The following INPP5D variants were observed in gnomAD, a reference collection of about 807,000 sequenced individuals.
INPP5D encodes the protein phosphatidylinositol 3,4,5-trisphosphate 5-phosphatase 1.
INPP5D carries 33 observed loss-of-function variants against 122.9 expected under a neutral mutation model. The ratio of observed to expected loss-of-function variants is 0.27; its 90% confidence interval spans 0.20 to 0.36. The LOEUF (loss-of-function observed/expected upper bound fraction) is 0.36. Among genes scored for constraint, INPP5D ranks in the 10% least tolerant of loss-of-function variants. The pLI is 1.00. For synonymous variants in INPP5D, 584 were observed against 576.2 expected (o/e 1.01, Z -0.19); for missense variants, 1,053 against 1,412.7 (o/e 0.75, Z 4.08).
At chr2:233,097,430 T>A (rs1692176338) in intron 2 of INPP5D, among the ~76,000 whole-genome samples, 1 of 152,246 alleles carries the variant, frequency 6.6e-6, no homozygotes, top group Non-Finnish European at 1.5e-5. Flanking sequence ...AAATAACTTA[T>A]GTTCTTATAA....
rs943164382 is a variant in INPP5D at position 233,100,036 on chromosome 2, T to C, written c.198+20638T>C. 2.0e-5 allele frequency among the ~76,000 whole-genome samples: 3 copies of C among 152,214 alleles called. No homozygotes were observed. The highest frequency in any genetic ancestry group is 7.2e-5 in the African/African-American group (3 of 41,456). On this transcript the variant is annotated intron_variant, in intron 2 of 26. Transcript: ENST00000445964. This position sits in a 1 kb window ranked among gnomAD's most constrained non-coding sequence, Gnocchi z 5.3. ...CACTATCACGAGAACAGAGCCGCCA[T>C]AATTCAATCACCTCCCACCGGGTTC...
intron 25 of INPP5D, 136 bp from the exon 26 acceptor site, chr2:233,203,990 T>C: frequency 7.4e-7 from 1 of 1,345,168 alleles, no homozygotes; most frequent in Non-Finnish European, 9.6e-7. Context: ...TTCAGTAAAT[T>C]TGCAATGTTA....
chr2:233,204,808 G>GT (rs1695450962), intron 26 of INPP5D, 91 bp downstream of exon 26: 4 of 1,416,476 alleles, frequency 2.8e-6, no homozygotes, highest in Non-Finnish European at 3.7e-6. Context: ...GTGTGTGCAT[G>GT]TGTGTGTGCA....
intron 13 of INPP5D, among the ~76,000 whole-genome samples, chr2:233,167,788 A>G (rs12052961): frequency 0.59 from 89,200 of 151,904 alleles, 27,600 homozygotes; most frequent in Non-Finnish European, 0.7. Flanking sequence ...GCAGATTGCC[A>G]GAGCTCAGTA....
intron 13 of INPP5D, among the ~76,000 whole-genome samples, chr2:233,167,397 C>T (rs1367756816): frequency 1.3e-5 from 2 of 150,342 alleles, no homozygotes; most frequent in Non-Finnish European, 2.9e-5. Flanking sequence ...AACACTCGGG[C>T]AGGGACTCTT....
intron 4 of INPP5D, among the ~76,000 whole-genome samples, chr2:233,127,918 A>G (rs1288856573): frequency 6.6e-6 from 1 of 152,210 alleles, no homozygotes; most frequent in Non-Finnish European, 1.5e-5. Flanking sequence ...TACCACAAAC[A>G]TTTTAACAAA....
chr2:233,179,420 G>A (rs1336333088), intron 18 of INPP5D, among the ~76,000 whole-genome samples: 1 of 152,234 alleles, frequency 6.6e-6, no homozygotes, highest in Non-Finnish European at 1.5e-5. Flanking sequence ...GGAGATAGTG[G>A]AGGCTTGTAG....
chr2:233,181,722 A>C (rs1421660949), intron 18 of INPP5D, among the ~76,000 whole-genome samples: 1 of 152,090 alleles, frequency 6.6e-6, no homozygotes, highest in African/African-American at 2.4e-5. Context: ...CGTGGGATGG[A>C]AAAGGTGTCC....
intron 2 of INPP5D, among the ~76,000 whole-genome samples, chr2:233,091,375 G>A (rs1374849312): frequency 6.6e-6 from 1 of 152,218 alleles, no homozygotes; most frequent in Non-Finnish European, 1.5e-5. Flanking sequence ...TTATCTTGCA[G>A]TTGTGCAGGC....
At chr2:233,186,297 C>A (rs1574795831) in intron 21 of INPP5D, among the ~76,000 whole-genome samples, 1 of 152,282 alleles carries the variant, frequency 6.6e-6, no homozygotes, top group African/African-American at 2.4e-5. Flanking sequence ...CCCCAAGACC[C>A]CGATCCCCTC....
chr2:233,073,640 CAAAAAAA>C (rs752382722), intron 1 of INPP5D, among the ~76,000 whole-genome samples: 1 of 44,202 alleles, frequency 2.3e-5, no homozygotes, highest in African/African-American at 7.4e-5. Flanking sequence ...AACTCAATCT[CAAAAAAA>C]AAAAAAAAAA....
chr2:233,164,173 G>A lies in INPP5D; in HGVS notation c.1438-134G>A, dbSNP rs1559328314. The stretch of plus-strand genomic sequence containing the variant: ...TCTCGCCTATCAAGCATCGCTGGGA[G>A]TCCCCCGAAGGGTTGGGATTACAGA... On this transcript the variant is annotated intron_variant, in intron 12 of 26. Transcript: ENST00000445964. This position sits in a 1 kb window ranked among gnomAD's most constrained non-coding sequence, Gnocchi z 4.3. 1.3e-5 allele frequency: 18 copies of A among 1,427,780 alleles called. No homozygotes were observed. Among genetic ancestry groups the A allele is most frequent in the Non-Finnish European group, 1.6e-5 (17 of 1,089,704 alleles). The allele number at this position is 1,427,780 out of a possible 1,614,324, so 88.4% of individuals were successfully genotyped here. A position where few individuals can be genotyped will look rare whatever the true frequency, so the allele number is the denominator to read the frequency against.
intron 18 of INPP5D, among the ~76,000 whole-genome samples, chr2:233,181,292 T>C (rs1006097657): frequency 1.3e-5 from 2 of 152,246 alleles, no homozygotes; most frequent in Admixed American, 6.5e-5. Flanking sequence ...GGAGTGTTTA[T>C]CTTTTTCTTG....
At chr2:233,195,120 T>C (rs1482626084) in intron 23 of INPP5D, among the ~76,000 whole-genome samples, 1 of 152,174 alleles carries the variant, frequency 6.6e-6, no homozygotes, top group Non-Finnish European at 1.5e-5. Context: ...TGACAAAACA[T>C]ACTTGCCTGT....
At chr2:233,062,393 G>A (rs1352166880) in intron 1 of INPP5D, among the ~76,000 whole-genome samples, 4 of 152,228 alleles carry the variant, frequency 2.6e-5, no homozygotes. Flanking sequence ...CCTTGGAGAA[G>A]CTCTGGTGCA....
chr2:233,154,291 G>C (rs1237356304), intron 9 of INPP5D, among the ~76,000 whole-genome samples: 1 of 152,208 alleles, frequency 6.6e-6, no homozygotes, highest in Non-Finnish European at 1.5e-5. Flanking sequence ...TGGGACTATA[G>C]GCATGCACCA....
Position 233,204,528 on chromosome 2 carries a change from A to G in INPP5D, c.3378A>G (p.Arg1126=), listed in dbSNP as rs757769437. Residue 1126 remains arginine (R), a synonymous_variant, in exon 26 of 27, where the codon AGA becomes AGG. Coordinates refer to ENST00000445964, the MANE Select transcript of INPP5D (RefSeq NM_001017915.3). The part of the protein sequence containing the change: ...VPAKRPIKPS[R]SEINQQTPPT... ...CCAAGAGGCCCATCAAGCCTTCCAGATCGGAAATCAACCAGCAGACCCCGC... is the reference window on the plus strand; with the variant it reads ...CCAAGAGGCCCATCAAGCCTTCCAGGTCGGAAATCAACCAGCAGACCCCGC... The G allele has an allele frequency of 6.3e-7, 1 of 1,580,166 alleles. No homozygotes were observed. Among genetic ancestry groups the G allele is most frequent in the South Asian group, 1.2e-5 (1 of 86,622 alleles).
In INPP5D at chr2:233,183,516, G is replaced by A. The variant is rs530980467; in HGVS notation, c.2162-892G>A. On this transcript the variant is annotated intron_variant, in intron 19 of 26. Coordinates refer to ENST00000445964, the MANE Select transcript of INPP5D (RefSeq NM_001017915.3). The surrounding 1 kb of genome is among the most constrained non-coding windows in gnomAD (Gnocchi z 4.6). Reference sequence around the variant, plus strand: ...CTAGAATCTTCCTAGTCCTTAGGCAGGACCTCTTCCCCGACTTCCACCCAT... The same window carrying A: ...CTAGAATCTTCCTAGTCCTTAGGCAAGACCTCTTCCCCGACTTCCACCCAT... 5.3e-5 allele frequency among the ~76,000 whole-genome samples: 8 copies of A among 152,168 alleles called. No individual in the cohort carries two copies. Among genetic ancestry groups the A allele is most frequent in the Non-Finnish European group, 8.8e-5 (6 of 68,024 alleles).
In INPP5D at chr2:233,170,175, C is replaced by T. The variant is rs368312552; in HGVS notation, c.1791+11C>T. 5 of 1,612,194 alleles carry T rather than the reference C, an allele frequency of 3.1e-6. No homozygotes were observed. Among genetic ancestry groups the T allele is most frequent in the African/African-American group, 2.7e-5 (2 of 74,606 alleles). The stretch of plus-strand genomic sequence containing the variant: ...GATCTGCCTACCTGGGTAAGGGCTG[C>T]CCGCCTGGGGCTGGGGCTGGGGCTG... On this transcript the variant is annotated intron_variant, in intron 15 of 26. Coordinates refer to ENST00000445964, the MANE Select transcript of INPP5D (RefSeq NM_001017915.3). The surrounding 1 kb of genome is among the most constrained non-coding windows in gnomAD (Gnocchi z 4.5).
Sources: gnomAD v4.1 joint callset for allele counts (sites outside exome capture counted in the v4.1 genomes callset) on GRCh38, gnomAD v4.1.1 for gene constraint, Gnocchi (gnomAD v3.1) non-coding constraint, MANE v1.5 for transcripts, NCBI Gene and HGNC (gene_info 2026-07-23, HGNC 2026-07-21) for gene names.